The following DBF4B variants were observed in gnomAD, a reference collection of about 807,000 sequenced individuals.
DBF4B encodes DBF4B-CDC7 kinase regulatory subunit.
Under a neutral mutation model 53.4 loss-of-function variants are expected in DBF4B, and 49 were observed. That is an observed-to-expected ratio of 0.92 (90% confidence interval 0.73 to 1.16). DBF4B has a LOEUF of 1.16. Ranked by LOEUF, DBF4B falls within the 50% of genes most tolerant of loss-of-function variation. DBF4B has a pLI of 0.00. For synonymous variants in DBF4B, 257 were observed against 288.7 expected (o/e 0.89, Z 1.11); for missense variants, 692 against 775.0 (o/e 0.89, Z 1.27).
At chr17:44,738,856 T>C (rs1345958058) in intron 9 of DBF4B, among the ~76,000 whole-genome samples, 6 of 152,184 alleles carry the variant, frequency 3.9e-5, no homozygotes, top group African/African-American at 1.4e-4. Context: ...GGGGTGGTAC[T>C]GGGGATTCCC....
chr17:44,733,910 C>T (rs1020837914), intron 6 of DBF4B, 180 bp from the exon 7 acceptor site: 8 of 596,490 alleles, frequency 1.3e-5, no homozygotes, highest in African/African-American at 1.3e-4. Context: ...ATAGAGGACC[C>T]AGTCCTTAAC....
rs1234648194 is a variant in DBF4B at position 44,708,782 on chromosome 17, GA to G, written c.-38del. 1 of 1,550,046 alleles carries G rather than the reference GA, an allele frequency of 6.5e-7. No homozygotes were observed. The highest frequency in any genetic ancestry group is 2.0e-5 in the Admixed American group (1 of 50,782). On this transcript the variant is annotated 5_prime_UTR_variant, in exon 1 of 14. Transcript: ENST00000315005. ...TCGCGAATGTAATACGGAGGCCTCT[GA>G]GGAAGGAGTACGGAGGCCGAGAAGG... is the stretch of plus-strand genomic sequence containing the variant.
chr17:44,740,567 A>G (rs1365560473), intron 9 of DBF4B, among the ~76,000 whole-genome samples: 1 of 152,234 alleles, frequency 6.6e-6, no homozygotes. Flanking sequence ...GAACAGGGAA[A>G]TAACTGTTCT....
At chr17:44,723,160 G>A in intron 3 of DBF4B, 138 bp downstream of exon 3, 3 of 1,211,036 alleles carry the variant, frequency 2.5e-6, no homozygotes, top group Non-Finnish European at 3.4e-6. Flanking sequence ...AGGCTGGAGT[G>A]CAGTGGCATG....
chr17:44,733,864 A>G (rs1975084367), intron 6 of DBF4B: 2 of 553,372 alleles, frequency 3.6e-6, no homozygotes, highest in South Asian at 4.4e-5. Context: ...CAATGCTGCA[A>G]AAGAGCATGA....
At chr17:44,715,820 T>C (rs1195451468) in intron 2 of DBF4B, among the ~76,000 whole-genome samples, 6 of 122,480 alleles carry the variant, frequency 4.9e-5, no homozygotes, top group Admixed American at 4.0e-4. Flanking sequence ...TTCTTTTTTT[T>C]TTTTTTTTTT....
intron 3 of DBF4B, among the ~76,000 whole-genome samples, chr17:44,726,868 G>T (rs2144897929): frequency 6.6e-6 from 1 of 152,284 alleles, no homozygotes; most frequent in South Asian, 2.1e-4. Context: ...GGAGGCCGAG[G>T]CGGGCGGATC....
At chr17:44,730,302 G>A (rs1182471558) in intron 4 of DBF4B, among the ~76,000 whole-genome samples, 1 of 152,156 alleles carries the variant, frequency 6.6e-6, no homozygotes, top group African/African-American at 2.4e-5. Context: ...TATGCCTTAT[G>A]TCAGTTTTTA....
chr17:44,708,826 C>T lies in DBF4B; in HGVS notation c.6C>T (p.Ser2=). M[S]EPGKGDDCLE... is the part of the protein sequence containing the mutation. ...CGAGAAGGAGCCGGCATTTGATGAG[C>T]GAACCGGGAAAGGGTACGGATGCCG... The change falls in exon 1 of 14, where the codon AGC becomes AGT. Residue 2 remains serine (S), a synonymous_variant. Coordinates refer to ENST00000315005, the MANE Select transcript of DBF4B (RefSeq NM_145663.3). 1.3e-6 allele frequency: 2 copies of T among 1,551,094 alleles called. No homozygotes were observed. The highest frequency in any genetic ancestry group is 1.7e-6 in the Non-Finnish European group (2 of 1,146,818).
intron 2 of DBF4B, among the ~76,000 whole-genome samples, chr17:44,716,687 A>G (rs912423116): frequency 1.6e-4 from 24 of 152,174 alleles, no homozygotes; most frequent in African/African-American, 3.9e-4. Flanking sequence ...CCCTGAGGGG[A>G]AAAATCTCCC....
In DBF4B at chr17:44,736,870, A is replaced by C. The variant is rs779487820; in HGVS notation, c.667+4A>C. 6.2e-7 allele frequency: 1 copy of C among 1,613,936 alleles called. No homozygotes were observed. Among genetic ancestry groups the C allele is most frequent in the Non-Finnish European group, 8.5e-7 (1 of 1,179,896 alleles). ...GCAGAGTCAAGAACACGGAAAGGTC[A>C]GTGTGGTAGCTTTTCCTCATCTAAT... On this transcript the variant is annotated splice_donor_region_variant and intron_variant, in intron 8 of 13. Transcript: ENST00000315005.
chr17:44,736,759 G>A, intron 7 of DBF4B, 71 bp from the exon 8 acceptor site: 1 of 1,566,828 alleles, frequency 6.4e-7, no homozygotes, highest in Non-Finnish European at 8.8e-7. Context: ...CAGCCACTTG[G>A]CTTATCAGGC....
At chr17:44,742,897 G>A (rs191638210) in intron 10 of DBF4B, among the ~76,000 whole-genome samples, 5 of 152,316 alleles carry the variant, frequency 3.3e-5, no homozygotes, top group African/African-American at 4.8e-5. Flanking sequence ...CCTCTGGGCT[G>A]TGGGGTTATA....
In DBF4B at chr17:44,751,888, C is replaced by T; in HGVS notation, c.*635C>T. Reference sequence around the variant, plus strand: ...GCAGCCCCTCAGTGGCCTGGTTCTCCTGTCCCCCTGCCCTTCCTCACCATT... The same window carrying T: ...GCAGCCCCTCAGTGGCCTGGTTCTCTTGTCCCCCTGCCCTTCCTCACCATT... On this transcript the variant is annotated 3_prime_UTR_variant, in exon 14 of 14. Transcript: ENST00000315005. 1 of 1,536,234 alleles carries T rather than the reference C, an allele frequency of 6.5e-7. No homozygotes were observed. The highest frequency in any genetic ancestry group is 8.7e-7 in the Non-Finnish European group (1 of 1,146,896).
chr17:44,727,558 T>C (rs1167147708), intron 3 of DBF4B, among the ~76,000 whole-genome samples: 7 of 152,296 alleles, frequency 4.6e-5, no homozygotes, highest in African/African-American at 1.4e-4. Context: ...AGAAACTCAG[T>C]GGTGAGGATG....
chr17:44,723,645 G>A (rs1974044825), intron 3 of DBF4B, among the ~76,000 whole-genome samples: 1 of 151,894 alleles, frequency 6.6e-6, no homozygotes, highest in South Asian at 2.1e-4. Flanking sequence ...TATAGTCCCA[G>A]CTGCTCAGGA....
chr17:44,741,880 C>T (rs1233020363), intron 10 of DBF4B, among the ~76,000 whole-genome samples: 1 of 152,146 alleles, frequency 6.6e-6, no homozygotes, highest in African/African-American at 2.4e-5. Flanking sequence ...ACACAGAAGA[C>T]AATAGACCGC....
chr17:44,730,095 C>T lies in DBF4B; in HGVS notation c.416C>T (p.Ser139Leu), dbSNP rs1367731533. The T allele has an allele frequency of 1.1e-5, 18 of 1,611,974 alleles. No homozygotes were observed. Among genetic ancestry groups the T allele is most frequent in the African/African-American group, 4.0e-5 (3 of 74,834 alleles). The change falls in exon 4 of 14, where the codon TCG becomes TTG. Residue 139 changes from serine to leucine, a missense_variant and splice_region_variant. Ser to Leu is a moderately radical substitution (Grantham distance 145). This residue lies in a region of DBF4B where 597 missense variants were observed against 665.8 expected (regional missense o/e 0.90). Transcript: ENST00000315005. ...AGGCCTTCACGGAAACCCGTTGACT[C>T]GGTAAGAACCTCATGTAGGAAAGGT... is the stretch of plus-strand genomic sequence containing the variant. The part of the protein sequence containing the change: ...HPRPSRKPVD[S>L]VPLSRGKELL...
intron 3 of DBF4B, 35 bp downstream of exon 3, chr17:44,723,057 G>C: frequency 6.2e-7 from 1 of 1,611,522 alleles, no homozygotes; most frequent in Non-Finnish European, 8.5e-7. Context: ...GATGCCATGT[G>C]CCTTTGCAGG....
Sources: gnomAD v4.1 joint callset for allele counts (sites outside exome capture counted in the v4.1 genomes callset) on GRCh38, gnomAD v4.1.1 for gene constraint, gnomAD v4.1.1 regional missense constraint, MANE v1.5 for transcripts, NCBI Gene and HGNC (gene_info 2026-07-23, HGNC 2026-07-21) for gene names.